Variants in ZDHHC20 observed in about 807,000 individuals in gnomAD.
ZDHHC20 encodes the protein zDHHC palmitoyltransferase 20.
In ZDHHC20, 43 loss-of-function variants were observed where a neutral mutation model predicts 57.8. The observed-to-expected ratio is 0.74, with a 90% CI of 0.58 to 0.96. The LOEUF (loss-of-function observed/expected upper bound fraction) is 0.96, where lower values mean the gene tolerates loss of function less well. ZDHHC20 is among the 40% of genes least tolerant of loss of function. The pLI is 0.00. For synonymous variants in ZDHHC20, 157 were observed against 153.0 expected (o/e 1.03, Z -0.19); for missense variants, 391 against 441.1 (o/e 0.89, Z 1.02).
chr13:21,434,313 C>A (rs1473723247), intron 1 of ZDHHC20, among the ~76,000 whole-genome samples: 2 of 150,312 alleles, frequency 1.3e-5, no homozygotes, highest in East Asian at 3.9e-4. Context: ...ATATTGCTTA[C>A]CCAATAATCT....
intron 10 of ZDHHC20, 75 bp downstream of exon 10, chr13:21,382,845 T>C: frequency 8.2e-7 from 1 of 1,224,488 alleles, no homozygotes; most frequent in Non-Finnish European, 1.2e-6. Flanking sequence ...TATTTACTCA[T>C]AAGATGTACA....
chr13:21,424,071 A>G lies in ZDHHC20; in HGVS notation c.145+1581T>C, dbSNP rs147883675. Among the ~76,000 whole-genome samples, 17 of 152,332 alleles carry G rather than the reference A, an allele frequency of 1.1e-4. No individual in the cohort carries two copies. The East Asian group carries it at 3.1e-3, about 28-fold the overall frequency. ...TTTGCTTAAAAATATATTCTGTTAAAAAATAGATAAAATAAAGCTCTTAAC... is the reference window on the plus strand; with the variant it reads ...TTTGCTTAAAAATATATTCTGTTAAGAAATAGATAAAATAAAGCTCTTAAC... On this transcript the variant is annotated intron_variant, in intron 2 of 12. Transcript: ENST00000400590.
chr13:21,419,329 A>G (rs1480793610), intron 3 of ZDHHC20, among the ~76,000 whole-genome samples: 1 of 152,226 alleles, frequency 6.6e-6, no homozygotes, highest in African/African-American at 2.4e-5. Flanking sequence ...TGCTAATGTT[A>G]AATGTATATA....
intron 1 of ZDHHC20, among the ~76,000 whole-genome samples, chr13:21,435,444 A>G (rs1368670560): frequency 6.6e-6 from 1 of 152,242 alleles, no homozygotes; most frequent in Non-Finnish European, 1.5e-5. Context: ...GAAGTACTAA[A>G]AAAACAATAA....
chr13:21,411,834 T>C (rs1879257527), intron 4 of ZDHHC20, among the ~76,000 whole-genome samples: 1 of 152,214 alleles, frequency 6.6e-6, no homozygotes, highest in African/African-American at 2.4e-5. Flanking sequence ...CAAATACTGC[T>C]AGATGCAGGA....
intron 9 of ZDHHC20, among the ~76,000 whole-genome samples, chr13:21,384,924 T>TA (rs1441850268): frequency 6.6e-6 from 1 of 151,430 alleles, no homozygotes; most frequent in African/African-American, 2.4e-5. Flanking sequence ...CAAAAGTTAC[T>TA]GGACATGAAA....
chr13:21,374,426 G>GCTAATCTC lies in ZDHHC20; in HGVS notation c.*2269_*2270insGAGATTAG. On this transcript the variant is annotated 3_prime_UTR_variant, in exon 13 of 13. Transcript: ENST00000400590. ...TTTTTTGTATTTTTAGTGGAGACAG[G>GCTAATCTC]GTTTTGCCATTTTGACCAGGCTAAT... is the stretch of plus-strand genomic sequence containing the variant. The GCTAATCTC allele has an allele frequency of 2.2e-6, 1 of 455,776 alleles. No individual in the cohort carries two copies. Among genetic ancestry groups the GCTAATCTC allele is most frequent in the South Asian group, 1.5e-5 (1 of 64,538 alleles). 28.2% of individuals were successfully genotyped at this position (455,776 alleles called of 1,614,324 possible). A position where few individuals can be genotyped will look rare whatever the true frequency, so the allele number is the denominator to read the frequency against.
chr13:21,457,925 A>C (rs536216560), intron 1 of ZDHHC20, among the ~76,000 whole-genome samples: 113 of 152,350 alleles, frequency 7.4e-4, no homozygotes, highest in African/African-American at 2.6e-3. Flanking sequence ...AAGGACTAAG[A>C]GTAGAACATT....
At position 21,378,648 on chromosome 13, in the gene ZDHHC20, T is replaced by C. The variant is rs973482236; in HGVS notation, c.*40+13A>G. 3.7e-5 allele frequency: 49 copies of C among 1,339,822 alleles called. No homozygotes were observed. Among genetic ancestry groups the C allele is most frequent in the Non-Finnish European group, 4.4e-5 (45 of 1,021,446 alleles). 83.0% of individuals were successfully genotyped at this position (1,339,822 alleles called of 1,614,324 possible). ...GCTGCATTTATTCAAGGATTACCTT[T>C]ATACTGTCTTACCTTGCTCTTATTC... On this transcript the variant is annotated intron_variant, in intron 12 of 12. Coordinates refer to ENST00000400590, the MANE Select transcript of ZDHHC20 (RefSeq NM_001330059.2).
rs1027833111 is a variant in ZDHHC20, at chr13:21,374,595, A to T, written c.*2101T>A. On this transcript the variant is annotated 3_prime_UTR_variant, in exon 13 of 13. Transcript: ENST00000400590. ...TAGAATCAAGATTACTAAGGAGTTGAAACAAAGGTAGAAGAATCCATACTA... is the reference window on the plus strand; with the variant it reads ...TAGAATCAAGATTACTAAGGAGTTGTAACAAAGGTAGAAGAATCCATACTA... The T allele has an allele frequency of 3.5e-6, 1 of 284,960 alleles. No homozygotes were observed. Among genetic ancestry groups the T allele is most frequent in the Non-Finnish European group, 7.3e-6 (1 of 136,846 alleles). 17.7% of individuals were successfully genotyped at this position (284,960 alleles called of 1,614,324 possible).
At chr13:21,447,727 C>T (rs1883911586) in intron 1 of ZDHHC20, among the ~76,000 whole-genome samples, 1 of 102,154 alleles carries the variant, frequency 9.8e-6, no homozygotes, top group Non-Finnish European at 2.3e-5. Context: ...TGAGGAGTGT[C>T]TCTGCCTGGC....
chr13:21,389,957 T>C (rs568371623), intron 8 of ZDHHC20, among the ~76,000 whole-genome samples: 1 of 152,216 alleles, frequency 6.6e-6, no homozygotes, highest in African/African-American at 2.4e-5. Flanking sequence ...TAATATTCTA[T>C]AAAGATGACA....
At position 21,391,821 on chromosome 13, in the gene ZDHHC20, C is replaced by T. The variant is rs561900037; in HGVS notation, c.628G>A (p.Val210Ile). 6.9e-5 allele frequency: 111 copies of T among 1,612,590 alleles called. No individual in the cohort carries two copies. The highest frequency in any genetic ancestry group is 5.8e-4 in the East Asian group (26 of 44,840). Residue 210 changes from valine to isoleucine, a missense_variant, in exon 8 of 13, where the codon GTA becomes ATA. This residue lies in a region of ZDHHC20 where 197 missense variants were observed against 220.8 expected (regional missense o/e 0.89). Transcript: ENST00000400590. ...GCAGACACAAAGAAAAGAAAAAGTA[C>T]GTGGAATTTTGCACGTGTATCTGTC... ...ELTDTRAKFHVLFLFFVSAMF... is the reference protein window; with the variant it reads ...ELTDTRAKFHILFLFFVSAMF...
intron 4 of ZDHHC20, among the ~76,000 whole-genome samples, chr13:21,411,583 C>T (rs910945983): frequency 5.3e-5 from 8 of 152,160 alleles, no homozygotes; most frequent in African/African-American, 1.9e-4. Flanking sequence ...CTCCACTCAA[C>T]ATTCTGACAT....
chr13:21,421,219 G>A (rs1880613470), intron 2 of ZDHHC20, 55 bp from the exon 3 acceptor site: 1 of 1,420,444 alleles, frequency 7.0e-7, no homozygotes, highest in Non-Finnish European at 9.9e-7. Context: ...ACAGCAAAAA[G>A]CATTACATTA....
At chr13:21,429,236 C>T (rs945403529) in intron 1 of ZDHHC20, among the ~76,000 whole-genome samples, 31 of 152,018 alleles carry the variant, frequency 2.0e-4, no homozygotes, top group African/African-American at 7.2e-4. Flanking sequence ...ATTTTTTTGC[C>T]CTCCTTAACA....
chr13:21,440,168 T>C (rs1475235437), intron 1 of ZDHHC20, among the ~76,000 whole-genome samples: 1 of 149,880 alleles, frequency 6.7e-6, no homozygotes, highest in East Asian at 2.1e-4. Context: ...CAACTTACTC[T>C]CATACATTTC....
At chr13:21,408,859 A>G (rs545687185) in intron 4 of ZDHHC20, among the ~76,000 whole-genome samples, 2 of 152,290 alleles carry the variant, frequency 1.3e-5, no homozygotes, top group African/African-American at 4.8e-5. Context: ...TTCTGCATCT[A>G]TTGAGATAAT....
intron 1 of ZDHHC20, among the ~76,000 whole-genome samples, chr13:21,437,907 G>T (rs1882720735): frequency 6.6e-6 from 1 of 152,134 alleles, no homozygotes; most frequent in Admixed American, 6.5e-5. Context: ...TAGCCAGGAT[G>T]GTCTCGATCT....
Sources: gnomAD v4.1 joint callset for allele counts (sites outside exome capture counted in the v4.1 genomes callset) on GRCh38, gnomAD v4.1.1 for gene constraint, gnomAD v4.1.1 regional missense constraint, MANE v1.5 for transcripts, NCBI Gene and HGNC (gene_info 2026-07-23, HGNC 2026-07-21) for gene names.